The following SDK1 variants were observed in gnomAD, a reference collection of about 807,000 sequenced individuals.
SDK1 encodes sidekick cell adhesion molecule 1.
Under a neutral mutation model 245.5 loss-of-function variants are expected in SDK1, and 157 were observed. The observed-to-expected ratio is 0.64, with a 90% CI of 0.56 to 0.73. The LOEUF (loss-of-function observed/expected upper bound fraction) is 0.73. SDK1 is among the 30% of genes least tolerant of loss of function. The pLI is 0.00. For missense variants in SDK1, 3,583 were observed against 3,002.3 expected (o/e 1.19, Z -4.52); for synonymous variants, 1,647 against 1,278.5 (o/e 1.29, Z -6.15).
chr7:3,553,708 C>T (rs1400428982), intron 1 of SDK1, among the ~76,000 whole-genome samples: 1 of 152,146 alleles, frequency 6.6e-6, no homozygotes, highest in Non-Finnish European at 1.5e-5. Flanking sequence ...AGAAGGATCC[C>T]ACTGCAACAA....
chr7:3,918,549 A>T (rs762998188), intron 5 of SDK1, among the ~76,000 whole-genome samples: 5 of 152,216 alleles, frequency 3.3e-5, no homozygotes, highest in Non-Finnish European at 7.3e-5. Flanking sequence ...CACTGATTCT[A>T]CGTGATGGTG....
At position 4,078,800 on chromosome 7, in the gene SDK1, G is replaced by A. The variant is rs560632710; in HGVS notation, c.3203-663G>A. Among the ~76,000 whole-genome samples the A allele has an allele frequency of 4.6e-5, 7 of 152,286 alleles. No homozygotes were observed. The South Asian group carries it at 1.0e-3, about 23-fold the overall frequency. ...GGCTTGAGCCACGGGCACCCTCAAC[G>A]GGAGGCTCATTCAGAACCCACCTTC... On this transcript the variant is annotated intron_variant, in intron 21 of 44. Coordinates refer to ENST00000404826, the MANE Select transcript of SDK1 (RefSeq NM_152744.4).
rs188096892 is a variant in SDK1 at position 3,733,221 on chromosome 7, T to A, written c.714-88229T>A. Among the ~76,000 whole-genome samples, 19 of 152,324 alleles carry A rather than the reference T, an allele frequency of 1.2e-4. No individual in the cohort carries two copies. The East Asian group carries it at 3.7e-3, about 29-fold the overall frequency. ...TAATTTATTACCTTATGTCCTTAAA[T>A]AGGTCCCTTGAACCAAATTTAGTAT... On this transcript the variant is annotated intron_variant, in intron 4 of 44. Transcript: ENST00000404826.
intron 4 of SDK1, among the ~76,000 whole-genome samples, chr7:3,705,858 C>T (rs1016681465): frequency 6.6e-6 from 1 of 152,040 alleles, no homozygotes; most frequent in African/African-American, 2.4e-5. Flanking sequence ...AGAATACTTG[C>T]AGCTTTGTGC....
intron 5 of SDK1, among the ~76,000 whole-genome samples, chr7:3,934,094 T>G (rs1414279901): frequency 6.6e-6 from 1 of 152,244 alleles, no homozygotes; most frequent in Non-Finnish European, 1.5e-5. Flanking sequence ...ACCTTCTGCC[T>G]GAATAGCGGT....
At position 3,802,859 on chromosome 7, in the gene SDK1, G is replaced by A. The variant is rs532374393; in HGVS notation, c.714-18591G>A. Among the ~76,000 whole-genome samples the A allele has an allele frequency of 2.6e-5, 4 of 152,290 alleles. No homozygotes were observed. The East Asian group carries it at 7.7e-4, about 29-fold the overall frequency. The stretch of plus-strand genomic sequence containing the variant: ...GCAGTTTAACTCTTCACCAATTGAG[G>A]AACATTTGTTGTTGTTTTTGTTTTT... On this transcript the variant is annotated intron_variant, in intron 4 of 44. Coordinates refer to ENST00000404826, the MANE Select transcript of SDK1 (RefSeq NM_152744.4).
At chr7:3,486,493 A>G (rs1305020807) in intron 1 of SDK1, among the ~76,000 whole-genome samples, 1 of 151,940 alleles carries the variant, frequency 6.6e-6, no homozygotes, top group African/African-American at 2.4e-5. Context: ...TTATAAACTA[A>G]GTTTACTTAT....
chr7:3,747,791 G>A (rs957542059), intron 4 of SDK1, among the ~76,000 whole-genome samples: 2 of 152,002 alleles, frequency 1.3e-5, no homozygotes, highest in African/African-American at 4.8e-5. Flanking sequence ...AGGGAGGAGG[G>A]AAGGGAGGAT....
chr7:4,160,633 C>T (rs1236183857), intron 31 of SDK1, among the ~76,000 whole-genome samples: 2 of 152,158 alleles, frequency 1.3e-5, no homozygotes, highest in African/African-American at 4.8e-5. Flanking sequence ...TACTGATGAA[C>T]AGTTTCTTTT....
intron 1 of SDK1, among the ~76,000 whole-genome samples, chr7:3,399,549 A>T (rs960295580): frequency 1.3e-5 from 2 of 152,038 alleles, no homozygotes; most frequent in African/African-American, 4.8e-5. Context: ...TAAACTTTGG[A>T]AGTTCAAATT....
Position 3,601,338 on chromosome 7 carries a change from A to G in SDK1, c.299-17742A>G, listed in dbSNP as rs140667310. Among the ~76,000 whole-genome samples the G allele has an allele frequency of 1.4e-4, 22 of 152,296 alleles. No individual in the cohort carries two copies. The East Asian group carries it at 1.9e-3, about 13-fold the overall frequency. On this transcript the variant is annotated intron_variant, in intron 1 of 44. Coordinates refer to ENST00000404826, the MANE Select transcript of SDK1 (RefSeq NM_152744.4). Reference sequence around the variant, plus strand: ...TTGGTAGAATTCTCCAGTGAAATCAACTGGGTCTGGAGAATTTTTATTGAG... The same window carrying G: ...TTGGTAGAATTCTCCAGTGAAATCAGCTGGGTCTGGAGAATTTTTATTGAG...
intron 1 of SDK1, among the ~76,000 whole-genome samples, chr7:3,455,838 A>G (rs1413172872): frequency 6.6e-6 from 1 of 152,186 alleles, no homozygotes; most frequent in African/African-American, 2.4e-5. Context: ...TTTGATAGGA[A>G]TTGTGTTAAG....
At chr7:4,077,883 T>A (rs949303547) in intron 21 of SDK1, among the ~76,000 whole-genome samples, 1 of 152,098 alleles carries the variant, frequency 6.6e-6, no homozygotes, top group Non-Finnish European at 1.5e-5. Context: ...CCAAACCATA[T>A]CAATGATGAT....
chr7:4,080,716 G>A (rs1490798980), intron 22 of SDK1, among the ~76,000 whole-genome samples: 1 of 152,106 alleles, frequency 6.6e-6, no homozygotes, highest in South Asian at 2.1e-4. Context: ...GTGGCGTTGA[G>A]GGGGTGGGGA....
chr7:3,437,109 C>G (rs769860880), intron 1 of SDK1, among the ~76,000 whole-genome samples: 2 of 152,174 alleles, frequency 1.3e-5, no homozygotes, highest in African/African-American at 2.4e-5. Context: ...ACGATTAATA[C>G]ATCCTTTAAA....
chr7:3,622,551 T>C (rs991347748), intron 2 of SDK1, among the ~76,000 whole-genome samples: 8 of 152,168 alleles, frequency 5.3e-5, no homozygotes, highest in Admixed American at 2.0e-4. Flanking sequence ...AAAACTGTTA[T>C]ATATGCAACC....
chr7:4,112,060 C>G (rs546520272), intron 23 of SDK1, among the ~76,000 whole-genome samples: 1 of 152,176 alleles, frequency 6.6e-6, no homozygotes, highest in Non-Finnish European at 1.5e-5. Context: ...TGAGGATGCA[C>G]CCGTGACCCA....
chr7:3,601,042 G>C (rs1360033432), intron 1 of SDK1, among the ~76,000 whole-genome samples: 1 of 151,756 alleles, frequency 6.6e-6, no homozygotes, highest in South Asian at 2.1e-4. Flanking sequence ...TTTTTTGAAT[G>C]TTGAACCAGC....
chr7:4,170,757 A>G (rs767219808), intron 32 of SDK1, among the ~76,000 whole-genome samples: 7 of 152,080 alleles, frequency 4.6e-5, no homozygotes, highest in Non-Finnish European at 8.8e-5. Context: ...CAACACCCCC[A>G]GTTTTTAGGA....
Sources: allele counts gnomAD v4.1 joint callset (sites outside exome capture counted in the v4.1 genomes callset), GRCh38; gene constraint gnomAD v4.1.1; transcripts MANE v1.5; gene names NCBI Gene and HGNC (gene_info 2026-07-23, HGNC 2026-07-21).